The following TNIP1 variants were observed in gnomAD, a reference collection of about 807,000 sequenced individuals.
TNIP1 encodes the protein TNFAIP3-interacting protein 1.
TNIP1 carries 22 observed loss-of-function variants against 86.6 expected under a neutral mutation model. The ratio of observed to expected loss-of-function variants is 0.25; its 90% CI spans 0.18 to 0.36. The LOEUF is 0.36. Ranked by LOEUF, TNIP1 falls within the 10% of genes least tolerant of loss-of-function variation. The probability of loss-of-function intolerance (pLI) is 1.00; values close to 1 mark genes in which losing one functional copy is unlikely to be tolerated. For synonymous variants in TNIP1, 294 were observed against 313.0 expected, an observed-to-expected ratio of 0.94 and a Z score of 0.64; for missense variants, 709 against 820.6, an observed-to-expected ratio of 0.86 and a Z score of 1.66.
At chr5:151,057,974 A>G (rs1343977218) in intron 5 of TNIP1, among the ~76,000 whole-genome samples, 1 of 152,184 alleles carries the variant, frequency 6.6e-6, no homozygotes, top group Non-Finnish European at 1.5e-5. Context: ...CATGTTTACC[A>G]AGGGACATCT....
At chr5:151,052,415 C>T (rs892091348) in intron 6 of TNIP1, among the ~76,000 whole-genome samples, 156 bp from the exon 7 acceptor site, 4 of 152,206 alleles carry the variant, frequency 2.6e-5, no homozygotes, top group Non-Finnish European at 4.4e-5. Flanking sequence ...AGGAGCTAAG[C>T]CACTTGGCCA....
chr5:151,037,609 A>G lies in TNIP1; in HGVS notation c.1264-688T>C, dbSNP rs573150618. Among the ~76,000 whole-genome samples the G allele has an allele frequency of 8.5e-5, 13 of 152,388 alleles. No homozygotes were observed. The South Asian group carries it at 2.5e-3, about 29-fold the overall frequency. ...ATCTATCATGTTCACAATAGATTAT[A>G]TAAACAGTGTGCCCACATCTTCTTA... On this transcript the variant is annotated intron_variant, in intron 12 of 17. Transcript: ENST00000521591.
intron 5 of TNIP1, among the ~76,000 whole-genome samples, chr5:151,059,816 AGAGAGAGAGAGAGTGTGT>A (rs1194387502): frequency 1.9e-3 from 200 of 108,072 alleles, no homozygotes; most frequent in African/African-American, 8.7e-3. Flanking sequence ...AGAGAGAGAG[AGAGAGAGAGAGAGTGTGT>A]GTGTGTGTGT....
intron 3 of TNIP1, among the ~76,000 whole-genome samples, 200 bp from the exon 4 acceptor site, chr5:151,062,412 G>C (rs112867509): frequency 1.3e-5 from 2 of 152,356 alleles, no homozygotes; most frequent in African/African-American, 4.8e-5. Flanking sequence ...AGCCTGAGCA[G>C]AGAGACCATG....
intron 8 of TNIP1, chr5:151,046,480 C>G (rs1759181657): frequency 1.3e-5 from 2 of 153,428 alleles, no homozygotes; most frequent in Admixed American, 1.3e-4. Context: ...TTTCCCAGCT[C>G]TGTCCTCTGT....
At chr5:151,034,928 G>A (rs1355091626) in intron 15 of TNIP1, 74 bp downstream of exon 15, 64 of 1,544,892 alleles carry the variant, frequency 4.1e-5, no homozygotes, top group Non-Finnish European at 5.6e-5. Context: ...AGCACACACT[G>A]TGCATCCATC....
At chr5:151,041,174 G>A (rs536070390) in intron 11 of TNIP1, among the ~76,000 whole-genome samples, 45 of 151,494 alleles carry the variant, frequency 3.0e-4, no homozygotes, top group African/African-American at 1.1e-3. Context: ...GGGTTCAAGC[G>A]ATTCTCGTGC....
chr5:151,059,950 CCT>C lies in TNIP1; in HGVS notation c.435+366_435+367del, dbSNP rs542118439. ...AAGAGTCTGCACAAAGAGCAAATCA[CCT>C]GTCTTACAGGGCCCTGGGCCTTCCT... On this transcript the variant is annotated intron_variant, in intron 5 of 17. Coordinates refer to ENST00000521591, the MANE Select transcript of TNIP1 (RefSeq NM_006058.5). 3.6e-4 allele frequency among the ~76,000 whole-genome samples: 54 copies of C among 151,750 alleles called. 1 individual carries two copies. The highest frequency in any genetic ancestry group is 6.3e-4 in the Non-Finnish European group (43 of 67,944).
chr5:151,040,313 T>C (rs1758255186), intron 11 of TNIP1, among the ~76,000 whole-genome samples: 2 of 152,202 alleles, frequency 1.3e-5, no homozygotes, highest in Non-Finnish European at 2.9e-5. Flanking sequence ...GGACATTTCA[T>C]AACTGTGTAT....
In TNIP1 at chr5:151,032,012, G is replaced by A. The variant is rs952979895; in HGVS notation, c.1876+275C>T. 11 of 363,684 alleles carry A rather than the reference G, an allele frequency of 3.0e-5. No individual in the cohort carries two copies. The East Asian group carries it at 5.1e-4, about 17-fold the overall frequency. 22.5% of individuals were successfully genotyped at this position (363,684 alleles called of 1,614,324 possible). A position where few individuals can be genotyped will look rare whatever the true frequency, so the allele number is the denominator to read the frequency against. On this transcript the variant is annotated intron_variant, in intron 17 of 17. Coordinates refer to ENST00000521591, the MANE Select transcript of TNIP1 (RefSeq NM_006058.5). ...TTCTGCCTCCCTCATTAGACATTAC[G>A]CTGTATAAGGGCAAGGACTGTATCT...
chr5:151,080,701 G>A (rs917230674), intron 1 of TNIP1, among the ~76,000 whole-genome samples, 179 bp downstream of exon 1: 9 of 152,206 alleles, frequency 5.9e-5, no homozygotes, highest in Non-Finnish European at 1.0e-4. Context: ...GCGCCAAGCA[G>A]GGAGTAGCGG....
chr5:151,082,789 T>C (rs1218571562), upstream of TNIP1, among the ~76,000 whole-genome samples: 1 of 152,244 alleles, frequency 6.6e-6, no homozygotes, highest in Non-Finnish European at 1.5e-5. Flanking sequence ...GGATCCTTTT[T>C]CTTAACAGTT....
intron 1 of TNIP1, among the ~76,000 whole-genome samples, chr5:151,075,847 T>C (rs575036781): frequency 2.0e-4 from 30 of 152,320 alleles, no homozygotes; most frequent in African/African-American, 6.7e-4. Context: ...CCTTGACTCA[T>C]AGGGCAGTCC....
At chr5:151,080,715 A>C (rs1194072055) in intron 1 of TNIP1, among the ~76,000 whole-genome samples, 165 bp downstream of exon 1, 1 of 152,176 alleles carries the variant, frequency 6.6e-6, no homozygotes, top group Non-Finnish European at 1.5e-5. Context: ...GTAGCGGCTC[A>C]GCCCGGCTTG....
chr5:151,045,865 C>T lies in TNIP1; in HGVS notation c.932G>A (p.Ser311Asn). 1 of 1,614,048 alleles carries T rather than the reference C, an allele frequency of 6.2e-7. No homozygotes were observed. ...KKVKMLEQQR[S>N]ELLEVNKQWD... ...ACTGCCACCTCGGCCACCTACCTCA[C>T]TGCGCTGCTGCTCCAGCATCTTCAC... The change falls in exon 9 of 18, where the codon AGT (serine) becomes AAT (asparagine). Residue 311 changes from serine (S) to asparagine (N), a missense_variant. Ser to Asn is a conservative substitution (Grantham distance 46). Transcript: ENST00000521591.
chr5:151,033,227 G>A, intron 16 of TNIP1, among the ~76,000 whole-genome samples: 1 of 151,668 alleles, frequency 6.6e-6, no homozygotes, highest in East Asian at 1.9e-4. Context: ...GGAGAGGAAA[G>A]GAAAGGAAAG....
chr5:151,042,711 G>A (rs1758600129), intron 10 of TNIP1, 40 bp from the exon 11 acceptor site: 1 of 1,611,412 alleles, frequency 6.2e-7, no homozygotes, highest in Non-Finnish European at 8.5e-7. Context: ...AGGCAAGGAT[G>A]TAGAGCACTT....
At position 151,032,373 on chromosome 5, in the gene TNIP1, G is replaced by A. The variant is rs923797614; in HGVS notation, c.1790C>T (p.Thr597Ile). The A allele has an allele frequency of 1.9e-6, 3 of 1,614,086 alleles. No homozygotes were observed. Among genetic ancestry groups the A allele is most frequent in the Non-Finnish European group, 2.5e-6 (3 of 1,180,018 alleles). ...AACCCCTCCACAGGGTAGACGCCAG[G>A]TGTATTCCGGCTGCGACAAAACTGG... Reference protein sequence around the residue: ...NSRLFHLPEYTWRLPCGGVRN... With the variant: ...NSRLFHLPEYIWRLPCGGVRN... Residue 597 changes from threonine to isoleucine, a missense_variant, in exon 17 of 18, where the codon ACC becomes ATC. Transcript: ENST00000521591.
At chr5:151,054,921 A>C (rs1330236579) in intron 6 of TNIP1, among the ~76,000 whole-genome samples, 1 of 152,180 alleles carries the variant, frequency 6.6e-6, no homozygotes, top group Non-Finnish European at 1.5e-5. Flanking sequence ...CTAGTCCCTA[A>C]GGGAAGGCCA....
Sources: allele counts gnomAD v4.1 joint callset (sites outside exome capture counted in the v4.1 genomes callset), GRCh38; gene constraint gnomAD v4.1.1; transcripts MANE v1.5; gene names NCBI Gene and HGNC (gene_info 2026-07-23, HGNC 2026-07-21).